The following RPS6KA2 variants were observed in gnomAD, a reference collection of about 807,000 sequenced individuals.
RPS6KA2 encodes ribosomal protein S6 kinase alpha-2.
Under a neutral mutation model 91.8 loss-of-function variants are expected in RPS6KA2, and 42 were observed. That is an observed-to-expected ratio of 0.46 (90% CI 0.36 to 0.59). The LOEUF (loss-of-function observed/expected upper bound fraction) is 0.59, where lower values mean the gene tolerates loss of function less well. Among genes scored for constraint, RPS6KA2 ranks in the 20% least tolerant of loss-of-function variants. The pLI, the probability that RPS6KA2 is intolerant of heterozygous loss-of-function variation, is 0.00. For missense variants in RPS6KA2, 798 were observed against 978.5 expected, an observed-to-expected ratio of 0.82 and a Z score of 2.46; for synonymous variants, 414 against 393.6, an observed-to-expected ratio of 1.05 and a Z score of -0.61.
intron 2 of RPS6KA2, among the ~76,000 whole-genome samples, chr6:166,795,075 A>T (rs1252083084): frequency 6.6e-6 from 1 of 152,124 alleles, no homozygotes; most frequent in African/African-American, 2.4e-5. Flanking sequence ...AAATGTTTAT[A>T]CTTTTGTATA....
At chr6:166,460,202 C>A (rs80267581) in intron 11 of RPS6KA2, among the ~76,000 whole-genome samples, 4 of 152,240 alleles carry the variant, frequency 2.6e-5, no homozygotes, top group South Asian at 2.1e-4. Context: ...TCCCATGCCC[C>A]CTCTGGGCCC....
rs561316925 is a variant in RPS6KA2, at chr6:166,533,434, C to T, written c.217-2121G>A. Among the ~76,000 whole-genome samples, 7 of 152,314 alleles carry T rather than the reference C, an allele frequency of 4.6e-5. No individual in the cohort carries two copies. In the South Asian group the frequency reaches 1.4e-3, roughly 32 times the overall value. ...AGAGGAACCTGGGTCCCAAAAAAGT[C>T]GGAGGGGGTGTGGAACAAGGGACAG... On this transcript the variant is annotated intron_variant, in intron 2 of 20. Coordinates refer to ENST00000265678, the MANE Select transcript of RPS6KA2 (RefSeq NM_021135.6). This position sits in a 1 kb window ranked among gnomAD's most constrained non-coding sequence, Gnocchi z 4.0.
rs1362659582 is a variant in RPS6KA2 at position 166,435,694 on chromosome 6, A to G, written c.1333-3204T>C. ...TAGAGCCAGCGGTCTTTCAGCAAAC[A>G]TCTGGTTTGCTCCTGAGGGGAAGTC... On this transcript the variant is annotated intron_variant, in intron 14 of 20. Transcript: ENST00000265678. This position sits in a 1 kb window ranked among gnomAD's most constrained non-coding sequence, Gnocchi z 4.3. Among the ~76,000 whole-genome samples the G allele has an allele frequency of 2.0e-5, 3 of 152,222 alleles. No individual in the cohort carries two copies. Among genetic ancestry groups the G allele is most frequent in the Non-Finnish European group, 4.4e-5 (3 of 68,042 alleles).
chr6:166,855,646 A>G (rs969463189), intron 2 of RPS6KA2, among the ~76,000 whole-genome samples: 12 of 152,232 alleles, frequency 7.9e-5, no homozygotes, highest in African/African-American at 2.9e-4. Flanking sequence ...TGTCTCTAAC[A>G]AAAGTTACAC....
rs187709633 is a variant in RPS6KA2 at position 166,444,716 on chromosome 6, C to T, written c.1332+4008G>A. On this transcript the variant is annotated intron_variant, in intron 14 of 20. Coordinates refer to ENST00000265678, the MANE Select transcript of RPS6KA2 (RefSeq NM_021135.6). ...TCTTGGACGTTCTAGTGTTGTTTGC[C>T]GAAGTCGAGAGGGAGGGACAAGCCT... Among the ~76,000 whole-genome samples, 461 of 152,234 alleles carry T rather than the reference C, an allele frequency of 3.0e-3. 4 individuals are homozygous for T. The highest frequency in any genetic ancestry group is 0.01 in the African/African-American group (435 of 41,530).
chr6:166,740,046 G>A (rs1334260590), intron 2 of RPS6KA2, among the ~76,000 whole-genome samples: 3 of 152,230 alleles, frequency 2.0e-5, no homozygotes, highest in Non-Finnish European at 4.4e-5. Flanking sequence ...CCAGTGCCCA[G>A]GGCCCTGATG....
Position 166,508,193 on chromosome 6 carries a change from G to A in RPS6KA2, c.459+10C>T, listed in dbSNP as rs776814267. 8.8e-6 allele frequency: 14 copies of A among 1,591,950 alleles called. No individual in the cohort carries two copies. Among genetic ancestry groups the A allele is most frequent in the East Asian group, 2.2e-5 (1 of 44,738 alleles). ...TGCCCGCCCTCCTGTGTGATGTGGCGGCTGCTCACCTCTTTGGAGAGCCGG... is the reference window on the plus strand; with the variant it reads ...TGCCCGCCCTCCTGTGTGATGTGGCAGCTGCTCACCTCTTTGGAGAGCCGG... On this transcript the variant is annotated intron_variant, in intron 5 of 20. Coordinates refer to ENST00000265678, the MANE Select transcript of RPS6KA2 (RefSeq NM_021135.6). This position sits in a 1 kb window ranked among gnomAD's most constrained non-coding sequence, Gnocchi z 4.3.
intron 14 of RPS6KA2, among the ~76,000 whole-genome samples, chr6:166,443,450 G>A (rs1398028547): frequency 6.6e-6 from 1 of 152,210 alleles, no homozygotes. Flanking sequence ...ACTAAACACG[G>A]TGAAAAATAT....
intron 1 of RPS6KA2, among the ~76,000 whole-genome samples, chr6:166,615,558 A>G (rs1467035251): frequency 6.6e-6 from 1 of 152,136 alleles, no homozygotes; most frequent in Non-Finnish European, 1.5e-5. Flanking sequence ...GGCCCCAGAG[A>G]TGCCCGGCCT....
In RPS6KA2 at chr6:166,504,597, C is replaced by T; in HGVS notation, c.475G>A (p.Glu159Lys). The change falls in exon 6 of 21, where the codon GAG (glutamate) becomes AAG (lysine). Residue 159 changes from glutamate to lysine, a missense_variant. Coordinates refer to ENST00000265678, the MANE Select transcript of RPS6KA2 (RefSeq NM_021135.6). ...TCAGCCAGGTAGAACTTGACATCCT[C>T]CTCCGTGAACATGACCTAGTAAGAA... is the stretch of plus-strand genomic sequence containing the variant. ...RLSKEVMFTEEDVKFYLAELA... is the reference protein window; with the variant it reads ...RLSKEVMFTEKDVKFYLAELA... 6.2e-7 allele frequency: 1 copy of T among 1,612,150 alleles called. No individual in the cohort carries two copies. Among genetic ancestry groups the T allele is most frequent in the Non-Finnish European group, 8.5e-7 (1 of 1,178,892 alleles).
intron 2 of RPS6KA2, among the ~76,000 whole-genome samples, chr6:166,672,494 G>T (rs562264463): frequency 6.6e-6 from 1 of 152,304 alleles, no homozygotes. Context: ...TGGGCTCTGT[G>T]GGTGCCATGG....
At chr6:166,717,193 C>T (rs1790037383) in intron 2 of RPS6KA2, among the ~76,000 whole-genome samples, 1 of 152,218 alleles carries the variant, frequency 6.6e-6, no homozygotes, top group Admixed American at 6.5e-5. Flanking sequence ...GTCTGAGGCT[C>T]AGGTTTTGCA....
chr6:166,539,518 C>T (rs562007670), intron 1 of RPS6KA2, among the ~76,000 whole-genome samples: 24 of 152,330 alleles, frequency 1.6e-4, no homozygotes, highest in Admixed American at 6.5e-4. Flanking sequence ...CTGATTCACG[C>T]TATCCCTGGT....
intron 1 of RPS6KA2, among the ~76,000 whole-genome samples, chr6:166,574,889 AAT>A (rs758701618): frequency 7.9e-5 from 12 of 152,230 alleles, no homozygotes; most frequent in Non-Finnish European, 1.8e-4. Flanking sequence ...ATTACCTACA[AAT>A]AGAGTAGACT....
At chr6:166,668,223 G>A (rs115887264) in intron 2 of RPS6KA2, among the ~76,000 whole-genome samples, 5,928 of 152,224 alleles carry the variant, frequency 0.039, 309 homozygotes, top group African/African-American at 0.12. Flanking sequence ...TGAAGACAGC[G>A]TTCCTGAACA....
chr6:166,709,085 G>A (rs1349409172), intron 2 of RPS6KA2, among the ~76,000 whole-genome samples: 3 of 152,100 alleles, frequency 2.0e-5, no homozygotes, highest in Non-Finnish European at 4.4e-5. Context: ...GGGTACTATC[G>A]GCTTGTTTTA....
intron 2 of RPS6KA2, among the ~76,000 whole-genome samples, chr6:166,740,068 G>A (rs1790769213): frequency 6.6e-6 from 1 of 151,238 alleles, no homozygotes; most frequent in Admixed American, 6.6e-5. Flanking sequence ...CCCAGTGGGT[G>A]AGGAGCTGGT....
chr6:166,498,726 C>T lies in RPS6KA2; in HGVS notation c.605-76G>A, dbSNP rs563668016. 185 of 1,568,820 alleles carry T rather than the reference C, an allele frequency of 1.2e-4. 1 individual carries two copies. In the South Asian group the frequency reaches 1.7e-3, roughly 15 times the overall value. The stretch of plus-strand genomic sequence containing the variant: ...GGGTCCACACTCAGGCGGGCATCAG[C>T]GTCCTTCTGTGGGCTCTGCCCCCTC... On this transcript the variant is annotated intron_variant, in intron 7 of 20. Coordinates refer to ENST00000265678, the MANE Select transcript of RPS6KA2 (RefSeq NM_021135.6).
chr6:166,818,690 G>C (rs147967959), intron 2 of RPS6KA2, among the ~76,000 whole-genome samples: 1 of 152,064 alleles, frequency 6.6e-6, no homozygotes, highest in East Asian at 1.9e-4. Flanking sequence ...ATTCCGTCGT[G>C]CCTTTGTCAC....
Sources: allele counts gnomAD v4.1 joint callset (sites outside exome capture counted in the v4.1 genomes callset), GRCh38; gene constraint gnomAD v4.1.1; non-coding constraint Gnocchi (gnomAD v3.1); transcripts MANE v1.5; gene names NCBI Gene and HGNC (gene_info 2026-07-23, HGNC 2026-07-21).